NR3C2: variants seen among roughly 807,000 people sequenced by gnomAD.
NR3C2 encodes mineralocorticoid receptor.
Under a neutral mutation model 86.4 loss-of-function variants are expected in NR3C2, and 15 were observed. The ratio of observed to expected loss-of-function variants is 0.17; its 90% CI spans 0.12 to 0.27. The LOEUF is 0.27. Among genes scored for constraint, NR3C2 ranks in the 10% least tolerant of loss-of-function variants. The pLI is 1.00. For missense variants in NR3C2, 960 were observed against 1,195.6 expected (o/e 0.80, Z 2.91); for synonymous variants, 458 against 450.5 (o/e 1.02, Z -0.21).
intron 8 of NR3C2, among the ~76,000 whole-genome samples, chr4:148,105,841 A>G (rs1475143115): frequency 6.6e-6 from 1 of 152,244 alleles, no homozygotes; most frequent in East Asian, 1.9e-4. Context: ...TTCATGTTAA[A>G]AACTCTCAAT....
chr4:148,152,520 T>G lies in NR3C2; in HGVS notation c.2459A>C (p.Lys820Thr). The change falls in exon 6 of 9, where the codon AAA becomes ACA. Residue 820 changes from lysine (K) to threonine (T), a missense_variant. By Grantham distance (78) the Lys-to-Thr change is moderately conservative. Transcript: ENST00000358102. ...SSFALSWRSY[K>T]HTNSQFLYFA... The stretch of plus-strand genomic sequence containing the variant: ...ATAGAGAAATTGGCTGTTCGTATGT[T>G]TGTACGATCTCCAGCTCAAGGCAAA... 1 of 1,614,122 alleles carries G rather than the reference T, an allele frequency of 6.2e-7. No individual in the cohort carries two copies. Among genetic ancestry groups the G allele is most frequent in the Non-Finnish European group, 8.5e-7 (1 of 1,179,980 alleles).
chr4:148,401,157 A>T (rs1425712463), intron 2 of NR3C2, among the ~76,000 whole-genome samples: 1 of 152,190 alleles, frequency 6.6e-6, no homozygotes, highest in Non-Finnish European at 1.5e-5. Context: ...GGTGAGACTC[A>T]CAGTATACCC....
intron 2 of NR3C2, among the ~76,000 whole-genome samples, chr4:148,317,367 GAAAAAAAGA>G (rs1264070301): frequency 6.9e-5 from 10 of 143,964 alleles, no homozygotes; most frequent in African/African-American, 1.8e-4. Flanking sequence ...AAAAAAAAAA[GAAAAAAAGA>G]AAAAAAAGAA....
chr4:148,438,815 G>A (rs966062261), intron 1 of NR3C2, among the ~76,000 whole-genome samples: 5 of 152,058 alleles, frequency 3.3e-5, no homozygotes, highest in African/African-American at 1.2e-4. Context: ...TTTTACACTA[G>A]AGTTTACCTT....
chr4:148,150,621 G>A lies in NR3C2; in HGVS notation c.2510+1848C>T, dbSNP rs768901518. 7.9e-5 allele frequency among the ~76,000 whole-genome samples: 12 copies of A among 152,176 alleles called. 1 individual carries two copies. The highest frequency in any genetic ancestry group is 2.1e-4 in the South Asian group (1 of 4,814). ...AGCATGAGAGCTGAAACAAGATGGC[G>A]GAGTGGTCCCTTGTGTGAGCTCAGC... On this transcript the variant is annotated intron_variant, in intron 6 of 8. Coordinates refer to ENST00000358102, the MANE Select transcript of NR3C2 (RefSeq NM_000901.5).
At chr4:148,223,016 A>G (rs1200186451) in intron 3 of NR3C2, among the ~76,000 whole-genome samples, 3 of 152,200 alleles carry the variant, frequency 2.0e-5, no homozygotes, top group East Asian at 3.8e-4. Flanking sequence ...TGTGGTAAAG[A>G]TAATATGGGC....
Position 148,260,249 on chromosome 4 carries a change from G to A in NR3C2, c.1758-132C>T, listed in dbSNP as rs999511456. 4.4e-6 allele frequency: 5 copies of A among 1,127,806 alleles called. No homozygotes were observed. In the African/African-American group the frequency reaches 7.7e-5, roughly 17 times the overall value. The allele number at this position is 1,127,806 out of a possible 1,614,324, so 69.9% of individuals were successfully genotyped here. A position where few individuals can be genotyped will look rare whatever the true frequency, so the allele number is the denominator to read the frequency against. On this transcript the variant is annotated intron_variant, in intron 2 of 8. Coordinates refer to ENST00000358102, the MANE Select transcript of NR3C2 (RefSeq NM_000901.5). ...TCAGTGTGTAATGACCACATACTAT[G>A]TGACTTAGCAAAATAAAGGTAAAAC... is the stretch of plus-strand genomic sequence containing the variant.
At chr4:148,380,354 C>A (rs527354287) in intron 2 of NR3C2, among the ~76,000 whole-genome samples, 18 of 152,284 alleles carry the variant, frequency 1.2e-4, no homozygotes, top group Admixed American at 7.8e-4. Flanking sequence ...TTTGTGTATC[C>A]GTTCATCAGT....
chr4:148,398,870 C>A (rs189879954), intron 2 of NR3C2, among the ~76,000 whole-genome samples: 1 of 152,062 alleles, frequency 6.6e-6, no homozygotes. Context: ...CATGTGCATG[C>A]GCATGTTTGT....
At chr4:148,266,739 G>A (rs1219692012) in intron 2 of NR3C2, among the ~76,000 whole-genome samples, 2 of 152,196 alleles carry the variant, frequency 1.3e-5, no homozygotes, top group East Asian at 3.8e-4. Context: ...ATGGACTGCA[G>A]AAGTCGGTGA....
intron 3 of NR3C2, among the ~76,000 whole-genome samples, chr4:148,209,071 C>A (rs1737150088): frequency 6.6e-6 from 1 of 151,832 alleles, no homozygotes; most frequent in East Asian, 1.9e-4. Flanking sequence ...TGGTGAAACC[C>A]AACCTCTACT....
chr4:148,083,382 G>A (rs1015223871), intron 8 of NR3C2, among the ~76,000 whole-genome samples: 2 of 152,180 alleles, frequency 1.3e-5, no homozygotes, highest in Non-Finnish European at 2.9e-5. Flanking sequence ...GCCTCCACTG[G>A]TGATACCCAA....
At chr4:148,342,280 C>A (rs1435017121) in intron 2 of NR3C2, among the ~76,000 whole-genome samples, 1 of 152,116 alleles carries the variant, frequency 6.6e-6, no homozygotes, top group Non-Finnish European at 1.5e-5. Flanking sequence ...ACATAACACA[C>A]ACACACACAC....
At chr4:148,114,461 TATC>T (rs1482432077) in intron 7 of NR3C2, among the ~76,000 whole-genome samples, 200 bp from the exon 8 acceptor site, 1 of 152,252 alleles carries the variant, frequency 6.6e-6, no homozygotes, top group African/African-American at 2.4e-5. Flanking sequence ...AGATGTGTCT[TATC>T]ATACACTTTG....
rs28663510 is a variant in NR3C2 at position 148,294,703 on chromosome 4, G to A, written c.1758-34586C>T. The stretch of plus-strand genomic sequence containing the variant: ...TAAAAAAAAAAAGCATGGGCCAGGT[G>A]CAGTGGCTCACACCTACAATCCTAG... On this transcript the variant is annotated intron_variant, in intron 2 of 8. Transcript: ENST00000358102. 6.2e-3 allele frequency among the ~76,000 whole-genome samples: 936 copies of A among 151,908 alleles called. 7 individuals carry two copies. The highest frequency in any genetic ancestry group is 0.022 in the African/African-American group (908 of 41,430).
At chr4:148,325,614 G>A (rs1225884871) in intron 2 of NR3C2, among the ~76,000 whole-genome samples, 2 of 152,214 alleles carry the variant, frequency 1.3e-5, no homozygotes, top group African/African-American at 4.8e-5. Flanking sequence ...GTGCGTTACT[G>A]CATAAAAAGG....
intron 2 of NR3C2, among the ~76,000 whole-genome samples, chr4:148,321,861 G>A (rs933756233): frequency 6.6e-6 from 1 of 152,110 alleles, no homozygotes; most frequent in Non-Finnish European, 1.5e-5. Flanking sequence ...TTTAATTGGA[G>A]CATTTAGTCC....
chr4:148,367,889 T>G (rs61762843), intron 2 of NR3C2, among the ~76,000 whole-genome samples: 1 of 146,036 alleles, frequency 6.8e-6, no homozygotes, highest in Admixed American at 6.8e-5. Flanking sequence ...AAAAAAAAAG[T>G]CAAGGGGGAT....
chr4:148,327,043 G>T (rs980658780), intron 2 of NR3C2, among the ~76,000 whole-genome samples: 3 of 152,060 alleles, frequency 2.0e-5, no homozygotes, highest in Non-Finnish European at 4.4e-5. Context: ...AATTATTTTT[G>T]ATTATTCAGT....
Sources: gnomAD v4.1 joint callset for allele counts (sites outside exome capture counted in the v4.1 genomes callset) on GRCh38, gnomAD v4.1.1 for gene constraint, MANE v1.5 for transcripts, NCBI Gene and HGNC (gene_info 2026-07-23, HGNC 2026-07-21) for gene names.